The following TFDP2 variants were observed in gnomAD, a reference collection of about 807,000 sequenced individuals.
The protein encoded by TFDP2 is transcription factor Dp-2 (E2F dimerization partner 2).
TFDP2 carries 17 observed loss-of-function variants against 59.3 expected under a neutral mutation model. The observed-to-expected ratio is 0.29, with a 90% confidence interval of 0.20 to 0.43. The LOEUF is 0.43. TFDP2 is among the 20% of genes least tolerant of loss of function. The pLI is 1.00. For missense variants in TFDP2, 391 were observed against 528.8 expected, an observed-to-expected ratio of 0.74 and a Z score of 2.56; for synonymous variants, 180 against 194.7, an observed-to-expected ratio of 0.92 and a Z score of 0.63.
chr3:142,143,560 A>G (rs1216302954), intron 1 of TFDP2, among the ~76,000 whole-genome samples: 4 of 152,236 alleles, frequency 2.6e-5, no homozygotes, highest in Admixed American at 6.5e-5. Flanking sequence ...TAGGAAAAAA[A>G]TCAAATAATC....
intron 1 of TFDP2, among the ~76,000 whole-genome samples, chr3:142,115,256 A>G (rs760718454): frequency 4.6e-5 from 7 of 152,110 alleles, no homozygotes; most frequent in Non-Finnish European, 1.0e-4. Context: ...TATCATTTCT[A>G]AACTTCATTG....
In TFDP2 at chr3:142,000,368, G is replaced by A. The variant is rs558582418; in HGVS notation, c.186+5073C>T. On this transcript the variant is annotated intron_variant, in intron 4 of 12. Coordinates refer to ENST00000489671, the MANE Select transcript of TFDP2 (RefSeq NM_001178139.2). ...TCTGGTTGCATCCTAATAGCAGAAA[G>A]GGTCCAGGGTGCTCCCTTCAACCTC... 3 of 700,686 alleles carry A rather than the reference G, an allele frequency of 4.3e-6. No individual in the cohort carries two copies. In the South Asian group the frequency reaches 4.5e-5, roughly 10 times the overall value. 43.4% of individuals were successfully genotyped at this position (700,686 alleles called of 1,614,324 possible). A position where few individuals can be genotyped will look rare whatever the true frequency, so the allele number is the denominator to read the frequency against.
intron 4 of TFDP2, among the ~76,000 whole-genome samples, chr3:142,004,603 G>C (rs1944072269): frequency 6.6e-6 from 1 of 152,284 alleles, no homozygotes; most frequent in South Asian, 2.1e-4. Context: ...AATGTCTTTA[G>C]AGAAACAGTT....
chr3:142,132,412 A>G (rs760280123), intron 1 of TFDP2, among the ~76,000 whole-genome samples: 24 of 150,030 alleles, frequency 1.6e-4, no homozygotes, highest in Non-Finnish European at 2.9e-4. Flanking sequence ...TAAATATACT[A>G]AACAACCACA....
rs1233207823 is a variant in TFDP2 at position 141,968,316 on chromosome 3, T to C, written c.732+1757A>G. On this transcript the variant is annotated intron_variant, in intron 9 of 12. Transcript: ENST00000489671. ...ATATAATATATAATATATATAACTA[T>C]ATATAACATATAATATATATAATAT... Among the ~76,000 whole-genome samples, 7 of 97,608 alleles carry C rather than the reference T, an allele frequency of 7.2e-5. No homozygotes were observed. The South Asian group carries it at 1.2e-3, about 16-fold the overall frequency. 64.0% of individuals were successfully genotyped at this position (97,608 alleles called of 152,430 possible). A position where few individuals can be genotyped will look rare whatever the true frequency, so the allele number is the denominator to read the frequency against.
At chr3:142,015,166 A>C (rs1306398599) in intron 3 of TFDP2, among the ~76,000 whole-genome samples, 3 of 152,100 alleles carry the variant, frequency 2.0e-5, no homozygotes, top group Non-Finnish European at 2.9e-5. Flanking sequence ...CTCTCTAAAC[A>C]TTTGGGAGCC....
chr3:142,148,606 T>A (rs2063261770), intron 1 of TFDP2, among the ~76,000 whole-genome samples: 1 of 152,192 alleles, frequency 6.6e-6, no homozygotes, highest in Admixed American at 6.5e-5. Context: ...CTCATCCACT[T>A]CGTTGTACTG....
intron 3 of TFDP2, among the ~76,000 whole-genome samples, chr3:142,030,953 G>A (rs921077306): frequency 6.6e-6 from 1 of 151,142 alleles, no homozygotes; most frequent in African/African-American, 2.4e-5. Context: ...CGTTTTAGCC[G>A]GGATGGTCTC....
At chr3:142,103,947 G>A (rs2061395378) in intron 1 of TFDP2, among the ~76,000 whole-genome samples, 1 of 151,770 alleles carries the variant, frequency 6.6e-6, no homozygotes, top group South Asian at 2.1e-4. Flanking sequence ...GGTATACATA[G>A]GTATACGTGT....
intron 3 of TFDP2, among the ~76,000 whole-genome samples, chr3:142,055,895 C>A (rs2059721883): frequency 6.7e-6 from 1 of 148,618 alleles, no homozygotes; most frequent in Non-Finnish European, 1.5e-5. Flanking sequence ...AATTATAAGA[C>A]CAAGTGTTTT....
intron 2 of TFDP2, among the ~76,000 whole-genome samples, chr3:142,100,862 C>G (rs2061297938): frequency 6.6e-6 from 1 of 152,110 alleles, no homozygotes; most frequent in Admixed American, 6.6e-5. Context: ...AAATGAAAAC[C>G]AAATACTGCT....
intron 7 of TFDP2, among the ~76,000 whole-genome samples, chr3:141,977,110 T>TATATATATATATA (rs1559959568): frequency 1.0e-4 from 8 of 78,758 alleles, no homozygotes; most frequent in African/African-American, 4.7e-4. Context: ...ATATATATTT[T>TATATATATATATA]TTTTTTTTTT....
intron 3 of TFDP2, among the ~76,000 whole-genome samples, chr3:142,031,765 C>T (rs2108411280): frequency 6.6e-6 from 1 of 151,998 alleles, no homozygotes; most frequent in African/African-American, 2.4e-5. Flanking sequence ...GGCAATCTGC[C>T]CAAATATTAA....
chr3:142,062,591 T>C (rs2059956518), intron 3 of TFDP2, among the ~76,000 whole-genome samples: 1 of 151,976 alleles, frequency 6.6e-6, no homozygotes. Context: ...AGAAAAATCA[T>C]CTGGGAGTAT....
At chr3:141,953,500 C>T (rs1012237854) in intron 11 of TFDP2, among the ~76,000 whole-genome samples, 2 of 152,136 alleles carry the variant, frequency 1.3e-5, no homozygotes, top group East Asian at 1.9e-4. Context: ...CCAAAACCCC[C>T]GCCGCAATGT....
At chr3:142,102,361 AC>A (rs1380606236) in intron 1 of TFDP2, among the ~76,000 whole-genome samples, 13 of 152,214 alleles carry the variant, frequency 8.5e-5, no homozygotes, top group Non-Finnish European at 1.9e-4. Flanking sequence ...ATTTTCAACA[AC>A]TGAACACCAA....
At chr3:142,140,023 C>T (rs2062882212) in intron 1 of TFDP2, among the ~76,000 whole-genome samples, 1 of 152,206 alleles carries the variant, frequency 6.6e-6, no homozygotes, top group Admixed American at 6.5e-5. Flanking sequence ...CAGATTTGGT[C>T]TTTTCACATA....
intron 3 of TFDP2, among the ~76,000 whole-genome samples, chr3:142,076,618 T>G (rs1004871701): frequency 6.6e-6 from 1 of 152,228 alleles, no homozygotes; most frequent in African/African-American, 2.4e-5. Context: ...AGGTTGTGAC[T>G]AGTAAAACAC....
chr3:141,969,165 CATATATATATATCTCATATATATGAGAT>C (rs1559942482), intron 9 of TFDP2, among the ~76,000 whole-genome samples: 1 of 41,164 alleles, frequency 2.4e-5, no homozygotes, highest in East Asian at 4.9e-4. Flanking sequence ...ATATATATAA[CATATATATATATCTCATATATATGAGAT>C]ATATATATAT....
Sources: gnomAD v4.1 joint callset for allele counts (sites outside exome capture counted in the v4.1 genomes callset) on GRCh38, gnomAD v4.1.1 for gene constraint, MANE v1.5 for transcripts, NCBI Gene and HGNC (gene_info 2026-07-23, HGNC 2026-07-21) for gene names.